The following FKBP4 variants were observed in gnomAD, a reference collection of about 807,000 sequenced individuals.
The protein encoded by FKBP4 is peptidyl-prolyl cis-trans isomerase FKBP4.
Under a neutral mutation model 54.1 loss-of-function variants are expected in FKBP4, and 28 were observed. The observed-to-expected ratio is 0.52, with a 90% CI of 0.38 to 0.71. The LOEUF (loss-of-function observed/expected upper bound fraction) is 0.71, where lower values mean the gene tolerates loss of function less well. FKBP4 is among the 30% of genes least tolerant of loss of function. The pLI is 0.00. For missense variants in FKBP4, 493 were observed against 574.4 expected, an observed-to-expected ratio of 0.86 and a Z score of 1.45; for synonymous variants, 223 against 216.1, an observed-to-expected ratio of 1.03 and a Z score of -0.28.
chr12:2,797,143 CAA>C lies in FKBP4; in HGVS notation c.112_113del (p.Lys38GlufsTer30), dbSNP rs2097902298. The C allele has an allele frequency of 3.7e-6, 6 of 1,612,488 alleles. No individual in the cohort carries two copies. Among genetic ancestry groups the C allele is most frequent in the Non-Finnish European group, 5.1e-6 (6 of 1,179,818 alleles). On this transcript the variant is annotated frameshift_variant, in exon 2 of 10. Coordinates refer to ENST00000001008, the MANE Select transcript of FKBP4 (RefSeq NM_002014.4). LOFTEE classifies it high-confidence loss of function. ...TTTCTCCCCCTTCCTCCCAGGTCAT[CAA>C]GAGAGAGGGCACAGGTACAGAGATG... Reference protein sequence around the residue: ...KQDEGVLKVIKREGTGTEMPM... With the variant: ...KQDEGVLKVIXREGTGTEMPM...
At chr12:2,796,685 C>T (rs781290313) in intron 1 of FKBP4, 50 of 1,081,672 alleles carry the variant, frequency 4.6e-5, no homozygotes, top group African/African-American at 1.3e-4. Flanking sequence ...TGTCTCCAAA[C>T]CAGACCTTAG....
chr12:2,797,401 C>G (rs139964620), intron 2 of FKBP4, 119 bp downstream of exon 2: 4 of 1,148,842 alleles, frequency 3.5e-6, no homozygotes, highest in African/African-American at 1.6e-5. Context: ...TCTGTTAACT[C>G]TTTCGGTCAC....
chr12:2,803,202 G>A lies in FKBP4; in HGVS notation c.1324G>A (p.Glu442Lys). 1 of 1,605,974 alleles carries A rather than the reference G, an allele frequency of 6.2e-7. No homozygotes were observed. Among genetic ancestry groups the A allele is most frequent in the Non-Finnish European group, 8.5e-7 (1 of 1,176,374 alleles). The change falls in exon 10 of 10, where the codon GAG (glutamate) becomes AAG (lysine). Residue 442 changes from glutamate to lysine, a missense_variant. Physicochemically the swap from Glu to Lys is moderately conservative, Grantham distance 56. Transcript: ENST00000001008. ...GDHPTDTEMK[E>K]EQKSNTAGSQ... Reference sequence around the variant, plus strand: ...CCATCCCACTGACACAGAGATGAAGGAGGAGCAGAAGAGCAACACGGCAGG... The same window carrying A: ...CCATCCCACTGACACAGAGATGAAGAAGGAGCAGAAGAGCAACACGGCAGG...
intron 9 of FKBP4, among the ~76,000 whole-genome samples, chr12:2,802,291 C>T (rs1484390755): frequency 6.6e-6 from 1 of 152,172 alleles, no homozygotes; most frequent in African/African-American, 2.4e-5. Flanking sequence ...GCGCCCGCCA[C>T]CACACCCGGC....
At chr12:2,802,071 T>A (rs12582595) in intron 9 of FKBP4, among the ~76,000 whole-genome samples, 12,292 of 152,302 alleles carry the variant, frequency 0.081, 871 homozygotes, top group East Asian at 0.2. Flanking sequence ...AGGCTTACAT[T>A]GTATTCCATT....
Position 2,803,494 on chromosome 12 carries a change from C to T in FKBP4, c.*236C>T, listed in dbSNP as rs1018654061. 2 of 516,750 alleles carry T rather than the reference C, an allele frequency of 3.9e-6. No individual in the cohort carries two copies. The highest frequency in any genetic ancestry group is 6.2e-5 in the Admixed American group (2 of 32,004). The allele number at this position is 516,750 out of a possible 1,614,324, so 32.0% of individuals were successfully genotyped here. A position where few individuals can be genotyped will look rare whatever the true frequency, so the allele number is the denominator to read the frequency against. ...CCTCCATTGCACATGAACATATGTCCATCCATATATATTCATCAGAATGTT... is the reference window on the plus strand; with the variant it reads ...CCTCCATTGCACATGAACATATGTCTATCCATATATATTCATCAGAATGTT... On this transcript the variant is annotated 3_prime_UTR_variant, in exon 10 of 10. Coordinates refer to ENST00000001008, the MANE Select transcript of FKBP4 (RefSeq NM_002014.4).
chr12:2,805,332 G>T lies in FKBP4; in HGVS notation c.*2074G>T. The T allele has an allele frequency of 2.8e-6, 1 of 361,238 alleles. No homozygotes were observed. The highest frequency in any genetic ancestry group is 5.4e-6 in the Non-Finnish European group (1 of 184,624). 22.4% of individuals were successfully genotyped at this position (361,238 alleles called of 1,614,324 possible). On this transcript the variant is annotated 3_prime_UTR_variant, in exon 10 of 10. Coordinates refer to ENST00000001008, the MANE Select transcript of FKBP4 (RefSeq NM_002014.4). Reference sequence around the variant, plus strand: ...AGCTCTGCATCCTGTAGGATTCCAAGAATGTAAAACTGCATGTAACCGTGG... The same window carrying T: ...AGCTCTGCATCCTGTAGGATTCCAATAATGTAAAACTGCATGTAACCGTGG...
rs760111166 is a variant in FKBP4 at position 2,798,819 on chromosome 12, C to T, written c.507C>T (p.Ile169=). The change falls in exon 4 of 10, where the codon ATC becomes ATT. Residue 169 remains isoleucine, a synonymous_variant. Transcript: ENST00000001008. The surrounding 1 kb of genome is among the most constrained non-coding windows in gnomAD (Gnocchi z 4.3). Reference sequence around the variant, plus strand: ...ATGCTAAGCCCAATGAGGGTGCTATCGTGGAGGGTGAGACAGTACAGTCTG... The same window carrying T: ...ATGCTAAGCCCAATGAGGGTGCTATTGTGGAGGGTGAGACAGTACAGTCTG... ...EGYAKPNEGA[I]VEVALEGYYK... 10 of 1,614,114 alleles carry T rather than the reference C, an allele frequency of 6.2e-6. No homozygotes were observed. The highest frequency in any genetic ancestry group is 3.3e-5 in the South Asian group (3 of 91,074).
chr12:2,797,688 G>T, intron 2 of FKBP4, 41 bp from the exon 3 acceptor site: 1 of 1,576,604 alleles, frequency 6.3e-7, no homozygotes. Flanking sequence ...CCCAGAATCA[G>T]AACCCTGCTA....
rs1310552160 is a variant in FKBP4, at chr12:2,795,844, C to T, written c.105+600C>T. ...CGGGGTCCCCTGCCGACGCCGGGAC[C>T]CAGCGAGGTCCCCACTCGCCGCGCG... On this transcript the variant is annotated intron_variant, in intron 1 of 9. Transcript: ENST00000001008. The surrounding 1 kb of genome is among the most constrained non-coding windows in gnomAD (Gnocchi z 4.3). 1.0e-4 allele frequency: 61 copies of T among 591,992 alleles called. 1 individual carries two copies. The highest frequency in any genetic ancestry group is 1.3e-4 in the Non-Finnish European group (59 of 469,300). 36.7% of individuals were successfully genotyped at this position (591,992 alleles called of 1,614,324 possible). A position where few individuals can be genotyped will look rare whatever the true frequency, so the allele number is the denominator to read the frequency against.
In FKBP4 at chr12:2,795,361, G is replaced by A; in HGVS notation, c.105+117G>A. ...TCGAGGCGGCCGCCTTTGCAGCCTC[G>A]CGGCCGTCCCGCCGGGGGCCGGTGG... On this transcript the variant is annotated intron_variant, in intron 1 of 9. Coordinates refer to ENST00000001008, the MANE Select transcript of FKBP4 (RefSeq NM_002014.4). This position sits in a 1 kb window ranked among gnomAD's most constrained non-coding sequence, Gnocchi z 4.3. The A allele has an allele frequency of 3.3e-6, 1 of 307,646 alleles. No homozygotes were observed. Among genetic ancestry groups the A allele is most frequent in the South Asian group, 1.3e-4 (1 of 7,928 alleles). The allele number at this position is 307,646 out of a possible 1,614,324, so 19.1% of individuals were successfully genotyped here.
intron 1 of FKBP4, chr12:2,796,159 C>T (rs1603481288): frequency 7.9e-7 from 1 of 1,269,704 alleles, no homozygotes; most frequent in East Asian, 5.6e-5. Flanking sequence ...TCTCCCCATC[C>T]GCTGCTGCGT....
At position 2,795,795 on chromosome 12, in the gene FKBP4, C is replaced by T. The variant is rs565756295; in HGVS notation, c.105+551C>T. The T allele has an allele frequency of 9.7e-6, 2 of 205,892 alleles. No individual in the cohort carries two copies. The highest frequency in any genetic ancestry group is 3.2e-4 in the South Asian group (2 of 6,330). The allele number at this position is 205,892 out of a possible 1,614,324, so 12.8% of individuals were successfully genotyped here. A position where few individuals can be genotyped will look rare whatever the true frequency, so the allele number is the denominator to read the frequency against. On this transcript the variant is annotated intron_variant, in intron 1 of 9. Transcript: ENST00000001008. The surrounding 1 kb of genome is among the most constrained non-coding windows in gnomAD (Gnocchi z 4.3). The stretch of plus-strand genomic sequence containing the variant: ...CCCTTCGGCCTTTGTGCGACGCAGG[C>T]GCGACAGGGTTCCGGCGCCCTCCCG...
chr12:2,803,102 G>T (rs970816881), intron 9 of FKBP4, 49 bp from the exon 10 acceptor site: 9 of 1,325,554 alleles, frequency 6.8e-6, no homozygotes, highest in African/African-American at 5.8e-5. Context: ...TTAAGTGTGT[G>T]TTTTTTCACT....
At chr12:2,796,214 C>T in intron 1 of FKBP4, 1 of 1,288,652 alleles carries the variant, frequency 7.8e-7, no homozygotes, top group East Asian at 5.6e-5. Context: ...GTGCGGCACC[C>T]ACCTCAGGGG....
chr12:2,800,605 C>A, intron 8 of FKBP4, 28 bp downstream of exon 8: 1 of 1,559,070 alleles, frequency 6.4e-7, no homozygotes, highest in Non-Finnish European at 8.6e-7. Flanking sequence ...GTCATGGAAG[C>A]AGCATTCACA....
chr12:2,795,082 G>A lies in FKBP4; in HGVS notation c.-58G>A, dbSNP rs1258249715. On this transcript the variant is annotated 5_prime_UTR_variant, in exon 1 of 10. Coordinates refer to ENST00000001008, the MANE Select transcript of FKBP4 (RefSeq NM_002014.4). This position sits in a 1 kb window ranked among gnomAD's most constrained non-coding sequence, Gnocchi z 4.3. Reference sequence around the variant, plus strand: ...CCCCGCAGGTAGCGCCCCCGCCCGCGGCCCAGAGTGCGCTCGCGCCGGCAC... The same window carrying A: ...CCCCGCAGGTAGCGCCCCCGCCCGCAGCCCAGAGTGCGCTCGCGCCGGCAC... 3 of 1,124,798 alleles carry A rather than the reference G, an allele frequency of 2.7e-6. No individual in the cohort carries two copies. Among genetic ancestry groups the A allele is most frequent in the Admixed American group, 3.8e-5 (1 of 26,096 alleles). 69.7% of individuals were successfully genotyped at this position (1,124,798 alleles called of 1,614,324 possible).
chr12:2,796,344 G>A (rs2097901845), intron 1 of FKBP4: 1 of 1,289,148 alleles, frequency 7.8e-7, no homozygotes. Context: ...GCGTCCTGCC[G>A]TTTTCTACGA....
At chr12:2,800,683 G>C (rs2097904246) in intron 8 of FKBP4, 106 bp downstream of exon 8, 2 of 1,130,338 alleles carry the variant, frequency 1.8e-6, no homozygotes, top group Non-Finnish European at 2.5e-6. Context: ...GGATAGCAGG[G>C]TGGATCAGTG....
Sources: gnomAD v4.1 joint callset for allele counts (sites outside exome capture counted in the v4.1 genomes callset) on GRCh38, gnomAD v4.1.1 for gene constraint, Gnocchi (gnomAD v3.1) non-coding constraint, MANE v1.5 for transcripts, NCBI Gene and HGNC (gene_info 2026-07-23, HGNC 2026-07-21) for gene names.